Variants in SAMMSON observed in about 807,000 individuals in gnomAD.
The protein encoded by SAMMSON is survival associated mitochondrial melanoma specific oncogenic non-coding RNA.
intron 4 of SAMMSON, among the ~76,000 whole-genome samples, chr3:70,235,115 A>G (rs1290591722): frequency 3.3e-5 from 5 of 152,024 alleles, no homozygotes; most frequent in East Asian, 1.9e-4. Context: ...TCCAACCTCT[A>G]TTGGAGAAGA....
chr3:70,350,709 A>T (rs979908885), intron 7 of SAMMSON, among the ~76,000 whole-genome samples: 1 of 152,212 alleles, frequency 6.6e-6, no homozygotes, highest in Non-Finnish European at 1.5e-5. Context: ...TGAAATGAAT[A>T]TAAAGCATGC....
intron 3 of SAMMSON, among the ~76,000 whole-genome samples, chr3:70,018,272 G>A (rs2066995825): frequency 6.6e-6 from 1 of 152,124 alleles, no homozygotes; most frequent in Admixed American, 6.5e-5. Flanking sequence ...CCTGTTATTG[G>A]TCTATTCAGA....
intron 4 of SAMMSON, among the ~76,000 whole-genome samples, chr3:70,246,702 A>G (rs2106646773): frequency 6.6e-6 from 1 of 152,084 alleles, no homozygotes; most frequent in South Asian, 2.1e-4. Context: ...AATTATGGGC[A>G]CTCTATATTT....
chr3:70,039,859 A>G (rs998354749), intron 3 of SAMMSON, among the ~76,000 whole-genome samples: 11 of 152,104 alleles, frequency 7.2e-5, no homozygotes, highest in Non-Finnish European at 1.5e-4. Context: ...CATTTGGACA[A>G]TGCTTTTATG....
chr3:70,281,993 T>C (rs1419845305), intron 6 of SAMMSON, among the ~76,000 whole-genome samples: 1 of 152,186 alleles, frequency 6.6e-6, no homozygotes, highest in African/African-American at 2.4e-5. Context: ...GAAGTCCACC[T>C]GGACAGACAC....
At position 70,245,714 on chromosome 3, in the gene SAMMSON, T is replaced by TAC. The variant is rs1405879331; in HGVS notation, n.508-3389_508-3388dup. Reference sequence around the variant, plus strand: ...ATATATATATATATATATATATATATACACATTCAAATGCAAAATAAAGCT... The same window carrying TAC: ...ATATATATATATATATATATATATATACACACATTCAAATGCAAAATAAAGCT... On this transcript the variant is annotated intron_variant and non_coding_transcript_variant, in intron 4 of 9. Coordinates refer to ENST00000642114, the Ensembl canonical transcript of SAMMSON. Among the ~76,000 whole-genome samples, 53 of 123,938 alleles carry TAC rather than the reference T, an allele frequency of 4.3e-4. No homozygotes were observed. In the East Asian group the frequency reaches 7.3e-3, roughly 17 times the overall value. 81.3% of individuals were successfully genotyped at this position (123,938 alleles called of 152,430 possible).
chr3:70,129,212 G>T (rs1320142565), intron 4 of SAMMSON, among the ~76,000 whole-genome samples: 1 of 152,114 alleles, frequency 6.6e-6, no homozygotes, highest in Non-Finnish European at 1.5e-5. Context: ...AACTAGTGTG[G>T]TTGTCAAATG....
At chr3:70,273,590 G>A (rs1701994841) in intron 6 of SAMMSON, among the ~76,000 whole-genome samples, 1 of 152,132 alleles carries the variant, frequency 6.6e-6, no homozygotes, top group South Asian at 2.1e-4. Context: ...AAAAAGAAAT[G>A]CAGGTCTTGT....
At chr3:70,098,034 G>A (rs1053592199) in intron 4 of SAMMSON, among the ~76,000 whole-genome samples, 1 of 152,200 alleles carries the variant, frequency 6.6e-6, no homozygotes, top group Non-Finnish European at 1.5e-5. Context: ...TGGGGAACTT[G>A]ATATTACTTT....
rs577297699 is a variant in SAMMSON at position 70,126,105 on chromosome 3, G to A, written n.507+54540G>A. The A allele has an allele frequency of 3.7e-5, 46 of 1,249,590 alleles. No homozygotes were observed. The African/African-American group carries it at 6.5e-4, about 18-fold the overall frequency. The allele number at this position is 1,249,590 out of a possible 1,614,324, so 77.4% of individuals were successfully genotyped here. On this transcript the variant is annotated intron_variant and non_coding_transcript_variant, in intron 4 of 9. Coordinates refer to ENST00000642114, the Ensembl canonical transcript of SAMMSON. The stretch of plus-strand genomic sequence containing the variant: ...GCACGCTTGCCAAAGCATTTACTCT[G>A]TTTGTTAGGATTGTGCTGGAAGGTG...
chr3:70,434,570 A>AT (rs58633750), intron 2 of SAMMSON, among the ~76,000 whole-genome samples: 32,615 of 151,204 alleles, frequency 0.22, 3,980 homozygotes, highest in African/African-American at 0.32. Flanking sequence ...GAATAAAGAC[A>AT]TTTTTTTTTC....
chr3:70,420,216 T>C (rs1012551487), intron 2 of SAMMSON, among the ~76,000 whole-genome samples: 1 of 152,158 alleles, frequency 6.6e-6, no homozygotes, highest in Non-Finnish European at 1.5e-5. Flanking sequence ...GGTTTTCTTG[T>C]ATTTATAATT....
chr3:70,420,183 C>T (rs1330029664), intron 2 of SAMMSON, among the ~76,000 whole-genome samples: 2 of 152,138 alleles, frequency 1.3e-5, no homozygotes, highest in Non-Finnish European at 2.9e-5. Context: ...AGCTGTCTCA[C>T]AGGTCCTCTT....
chr3:70,341,419 C>T (rs1702709718), intron 7 of SAMMSON, among the ~76,000 whole-genome samples: 4 of 152,210 alleles, frequency 2.6e-5, no homozygotes, highest in Admixed American at 2.0e-4. Context: ...AGAAAGATTG[C>T]ATAGTCTCAG....
chr3:70,301,942 T>A (rs954790096), intron 7 of SAMMSON, among the ~76,000 whole-genome samples: 4 of 152,148 alleles, frequency 2.6e-5, no homozygotes, highest in Admixed American at 6.6e-5. Context: ...GTCTGTTGTT[T>A]GAGATTAGAA....
chr3:70,336,258 G>C (rs1397242196), intron 7 of SAMMSON, among the ~76,000 whole-genome samples: 1 of 151,974 alleles, frequency 6.6e-6, no homozygotes, highest in Non-Finnish European at 1.5e-5. Flanking sequence ...CTATGAAAGA[G>C]AACAAGTAAG....
At chr3:70,183,064 A>T (rs1034376693) in intron 4 of SAMMSON, among the ~76,000 whole-genome samples, 1 of 152,192 alleles carries the variant, frequency 6.6e-6, no homozygotes, top group Non-Finnish European at 1.5e-5. Context: ...TTCAAATAAT[A>T]ACTATTCTTT....
chr3:70,019,244 T>G (rs1349094858), intron 3 of SAMMSON, among the ~76,000 whole-genome samples: 2 of 152,212 alleles, frequency 1.3e-5, no homozygotes, highest in Non-Finnish European at 2.9e-5. Context: ...TCTAAGGACT[T>G]GCTTTATGAA....
intron 9 of SAMMSON, among the ~76,000 whole-genome samples, chr3:70,364,450 A>G (rs1357656817): frequency 1.3e-5 from 2 of 151,916 alleles, no homozygotes; most frequent in Admixed American, 6.6e-5. Flanking sequence ...AAAAGTGTCA[A>G]TGTGAAGAAA....
Sources: gnomAD v4.1 joint callset for allele counts (sites outside exome capture counted in the v4.1 genomes callset) on GRCh38, gnomAD v4.1.1 for gene constraint, MANE v1.5 for transcripts, NCBI Gene and HGNC (gene_info 2026-07-23, HGNC 2026-07-21) for gene names.